Variants in INTS10 observed in about 807,000 individuals in gnomAD.
INTS10 encodes the protein integrator complex subunit 10.
Under a neutral mutation model 94.4 loss-of-function variants are expected in INTS10, and 44 were observed. The ratio of observed to expected loss-of-function variants is 0.47; its 90% CI spans 0.37 to 0.60. The LOEUF (loss-of-function observed/expected upper bound fraction) is 0.60, where lower values mean the gene tolerates loss of function less well. Among genes scored for constraint, INTS10 ranks in the 20% least tolerant of loss-of-function variants. INTS10 has a pLI of 0.00. For missense variants in INTS10, 797 were observed against 868.7 expected (o/e 0.92, Z 1.04); for synonymous variants, 341 against 320.7 (o/e 1.06, Z -0.68).
At chr8:19,820,051 A>G (rs1266158328) in intron 3 of INTS10, among the ~76,000 whole-genome samples, 1 of 152,218 alleles carries the variant, frequency 6.6e-6, no homozygotes, top group East Asian at 1.9e-4. Context: ...ACTCTAGATA[A>G]AATAGCAAGT....
In INTS10 at chr8:19,818,292, C is replaced by T; in HGVS notation, c.147C>T (p.Ile49=). The T allele has an allele frequency of 6.2e-7, 1 of 1,614,140 alleles. No homozygotes were observed. Among genetic ancestry groups the T allele is most frequent in the Non-Finnish European group, 8.5e-7 (1 of 1,180,026 alleles). Residue 49 remains isoleucine, a synonymous_variant, in exon 2 of 17, where the codon ATC becomes ATT. Transcript: ENST00000397977. ...DFNIQYEMYT[I]ERNAERTATA... ...TGTTGCAGTATGAGATGTACACCAT[C>T]GAGCGGAATGCAGAGCGGACCGCCA...
chr8:19,822,358 A>C, intron 4 of INTS10, 81 bp from the exon 5 acceptor site: 1 of 751,242 alleles, frequency 1.3e-6, no homozygotes, highest in South Asian at 1.7e-5. Flanking sequence ...GTGATAAGTA[A>C]AAAAAATACC....
At chr8:19,818,548 A>C (rs1349421415) in intron 2 of INTS10, 1 of 556,160 alleles carries the variant, frequency 1.8e-6, no homozygotes, top group African/African-American at 1.9e-5. Flanking sequence ...CTTATGTTTT[A>C]TCCTTGTTAA....
chr8:19,828,325 A>G (rs1226792100), intron 9 of INTS10, among the ~76,000 whole-genome samples: 1 of 88,176 alleles, frequency 1.1e-5, no homozygotes, highest in Non-Finnish European at 2.7e-5. Flanking sequence ...GTAACCCACA[A>G]CTGGAGTTGG....
chr8:19,828,722 G>GTTT (rs546461512), intron 9 of INTS10, among the ~76,000 whole-genome samples: 2 of 143,202 alleles, frequency 1.4e-5, no homozygotes, highest in Non-Finnish European at 1.5e-5. Flanking sequence ...TACGGTTGTG[G>GTTT]TTTTTTTTTT....
chr8:19,840,142 T>C (rs2068018524), intron 13 of INTS10, among the ~76,000 whole-genome samples: 1 of 150,226 alleles, frequency 6.7e-6, no homozygotes, highest in Non-Finnish European at 1.5e-5. Context: ...ATGCTATTAA[T>C]AAGCAATTAG....
intron 11 of INTS10, 37 bp from the exon 12 acceptor site, chr8:19,833,132 G>T: frequency 6.8e-7 from 1 of 1,480,600 alleles, no homozygotes; most frequent in Non-Finnish European, 9.0e-7. Context: ...TTTTAACAGC[G>T]ATGCTTTTCC....
At chr8:19,848,937 C>G (rs181698843) in intron 16 of INTS10, 3 of 219,804 alleles carry the variant, frequency 1.4e-5, no homozygotes, top group African/African-American at 6.9e-5. Flanking sequence ...GGACCAGGAA[C>G]TGAGACGCCT....
At chr8:19,844,664 G>T (rs2068423507) in intron 15 of INTS10, among the ~76,000 whole-genome samples, 1 of 152,154 alleles carries the variant, frequency 6.6e-6, no homozygotes, top group African/African-American at 2.4e-5. Context: ...CCCTGCCATA[G>T]CTGTCTTACC....
intron 5 of INTS10, 69 bp from the exon 6 acceptor site, chr8:19,823,231 CT>C: frequency 8.2e-7 from 1 of 1,225,504 alleles, no homozygotes; most frequent in South Asian, 1.3e-5. Context: ...ACTCTGAAAG[CT>C]TTTGTATTTA....
Position 19,817,569 on chromosome 8 carries a change from T to C in INTS10, c.32T>C (p.Val11Ala). Residue 11 changes from valine to alanine, a missense_variant, in exon 1 of 17, where the codon GTG (valine) becomes GCG (alanine). Val to Ala is a moderately conservative substitution (Grantham distance 64, BLOSUM62 0). This residue lies in a region of INTS10 where 734 missense variants were observed against 787.8 expected (regional missense o/e 0.93). Transcript: ENST00000397977. ...GCCCAGGGGGACTGCGAGTTCCTGG[T>C]GCAGCGAGCCCGGGAGTTGGTGCCG... MSAQGDCEFLVQRARELVPQD... is the reference protein window; with the variant it reads MSAQGDCEFLAQRARELVPQD... 1.2e-6 allele frequency: 2 copies of C among 1,609,004 alleles called. No homozygotes were observed. Among genetic ancestry groups the C allele is most frequent in the African/African-American group, 1.3e-5 (1 of 74,964 alleles).
At chr8:19,817,803 C>T (rs1435062602) in intron 1 of INTS10, 137 bp downstream of exon 1, 5 of 1,123,258 alleles carry the variant, frequency 4.5e-6, no homozygotes, top group Non-Finnish European at 6.2e-6. Flanking sequence ...CCCTCCCACC[C>T]CCTCCTCTCT....
At chr8:19,832,238 T>C (rs1038726800) in intron 11 of INTS10, 128 bp downstream of exon 11, 11 of 636,638 alleles carry the variant, frequency 1.7e-5, no homozygotes, top group Non-Finnish European at 5.8e-6. Context: ...ACACCTGTTC[T>C]GTTTTCAGTG....
At chr8:19,837,025 G>A in intron 12 of INTS10, 27 bp from the exon 13 acceptor site, 3 of 1,431,674 alleles carry the variant, frequency 2.1e-6, no homozygotes, top group Non-Finnish European at 3.0e-6. Context: ...CTTCAAGTTA[G>A]TTCCTTTTTG....
Position 19,825,118 on chromosome 8 carries a change from T to A in INTS10, c.1006+146T>A, listed in dbSNP as rs2066691640. 3 of 681,044 alleles carry A rather than the reference T, an allele frequency of 4.4e-6. No homozygotes were observed. The East Asian group carries it at 8.3e-5, about 19-fold the overall frequency. 42.2% of individuals were successfully genotyped at this position (681,044 alleles called of 1,614,324 possible). On this transcript the variant is annotated intron_variant, in intron 8 of 16. Coordinates refer to ENST00000397977, the MANE Select transcript of INTS10 (RefSeq NM_018142.4). ...TTTTATAGTTGGCGATTTAGTTTTG[T>A]TTAGTTTGGCTTAATTGGTAGTTTT...
chr8:19,851,512 C>G lies in INTS10; in HGVS notation c.1977-137C>G, dbSNP rs937544536. The G allele has an allele frequency of 5.3e-6, 4 of 748,842 alleles. No homozygotes were observed. In the African/African-American group the frequency reaches 7.1e-5, roughly 13 times the overall value. 46.4% of individuals were successfully genotyped at this position (748,842 alleles called of 1,614,324 possible). A position where few individuals can be genotyped will look rare whatever the true frequency, so the allele number is the denominator to read the frequency against. ...GGCTGGAATGTTTGGTTGGTTGCAGCTATTCTTGTGTTCTTTTTAAAATAT... is the reference window on the plus strand; with the variant it reads ...GGCTGGAATGTTTGGTTGGTTGCAGGTATTCTTGTGTTCTTTTTAAAATAT... On this transcript the variant is annotated intron_variant, in intron 16 of 16. Coordinates refer to ENST00000397977, the MANE Select transcript of INTS10 (RefSeq NM_018142.4). This position sits in a 1 kb window ranked among gnomAD's most constrained non-coding sequence, Gnocchi z 5.0.
chr8:19,820,312 T>C (rs1330313476), intron 3 of INTS10, 67 bp from the exon 4 acceptor site: 1 of 1,504,058 alleles, frequency 6.6e-7, no homozygotes, highest in Non-Finnish European at 9.1e-7. Context: ...AATGCCTTAC[T>C]CAGCACTGTT....
chr8:19,838,520 G>T (rs906105199), intron 13 of INTS10, among the ~76,000 whole-genome samples: 8 of 152,180 alleles, frequency 5.3e-5, no homozygotes, highest in African/African-American at 1.9e-4. Context: ...AATTTAGGAA[G>T]AAATAGTGCC....
chr8:19,848,788 G>A (rs1014125016), intron 16 of INTS10: 7 of 159,248 alleles, frequency 4.4e-5, no homozygotes, highest in South Asian at 3.4e-4. Flanking sequence ...CGTGAGAAGA[G>A]TGGAAAGTAA....
Sources: gnomAD v4.1 joint callset for allele counts (sites outside exome capture counted in the v4.1 genomes callset) on GRCh38, gnomAD v4.1.1 for gene constraint, gnomAD v4.1.1 regional missense constraint, Gnocchi (gnomAD v3.1) non-coding constraint, MANE v1.5 for transcripts, NCBI Gene and HGNC (gene_info 2026-07-23, HGNC 2026-07-21) for gene names.